Variants in FAM227A observed in about 807,000 individuals in gnomAD.
The protein encoded by FAM227A is family with sequence similarity 227 member A, also known as protein FAM227A.
FAM227A carries 80 observed loss-of-function variants against 74.7 expected under a neutral mutation model. That is an observed-to-expected ratio of 1.07 (90% CI 0.89 to 1.29). The LOEUF is 1.29. Ranked by LOEUF, FAM227A falls within the 50% of genes most tolerant of loss-of-function variation. FAM227A has a pLI of 0.00. For missense variants in FAM227A, 654 were observed against 683.4 expected (o/e 0.96, Z 0.48); for synonymous variants, 237 against 241.8 (o/e 0.98, Z 0.19).
intron 13 of FAM227A, among the ~76,000 whole-genome samples, chr22:38,604,782 T>A (rs2091249841): frequency 6.6e-6 from 1 of 152,120 alleles, no homozygotes; most frequent in East Asian, 1.9e-4. Flanking sequence ...GCCTCCCAAG[T>A]GGCTGGGATT....
intron 11 of FAM227A, among the ~76,000 whole-genome samples, chr22:38,619,207 G>A (rs2091636551): frequency 6.6e-6 from 1 of 152,222 alleles, no homozygotes; most frequent in Admixed American, 6.5e-5. Context: ...GGAGGTTGGA[G>A]AAGGGGTTGA....
At chr22:38,653,377 C>CTTT (rs34626242) in intron 1 of FAM227A, among the ~76,000 whole-genome samples, 8 of 137,708 alleles carry the variant, frequency 5.8e-5, no homozygotes, top group East Asian at 2.1e-4. Context: ...GAATGTAATG[C>CTTT]TTTTTTTTTT....
chr22:38,620,236 C>T lies in FAM227A; in HGVS notation c.1014G>A (p.Gln338=). ...GKRAFSQKPA[Q]SRKFYHPQSS... The stretch of plus-strand genomic sequence containing the variant: ...CCTGAGGGTGGTAGAATTTCCTGCT[C>T]TGGGCTGGCTTCTGGGAGAAGGCTC... The change falls in exon 11 of 17, where the codon CAG becomes CAA. Residue 338 remains glutamine, a synonymous_variant. Coordinates refer to ENST00000535113, the MANE Select transcript of FAM227A (RefSeq NM_001013647.2). 1.3e-6 allele frequency: 2 copies of T among 1,551,416 alleles called. No homozygotes were observed. Among genetic ancestry groups the T allele is most frequent in the East Asian group, 2.4e-5 (1 of 40,920 alleles).
chr22:38,649,565 CAAA>C (rs1163806396), intron 2 of FAM227A, among the ~76,000 whole-genome samples: 2 of 129,682 alleles, frequency 1.5e-5, no homozygotes, highest in African/African-American at 2.8e-5. Flanking sequence ...GACTCTGTCT[CAAA>C]AAAAAAAAAG....
rs2091643772 is a variant in FAM227A, at chr22:38,619,543, T to TGGACTCCTGGTCTC, written c.1038+655_1038+668dup. ...TTCACCATGTGGACCAGACTGGTCT[T>TGGACTCCTGGTCTC]GGACTCCTGGTCTCAAGTGATCTGC... On this transcript the variant is annotated intron_variant, in intron 11 of 16. Coordinates refer to ENST00000535113, the MANE Select transcript of FAM227A (RefSeq NM_001013647.2). Among the ~76,000 whole-genome samples, 7 of 152,292 alleles carry TGGACTCCTGGTCTC rather than the reference T, an allele frequency of 4.6e-5. No homozygotes were observed. The South Asian group carries it at 1.5e-3, about 32-fold the overall frequency.
intron 11 of FAM227A, among the ~76,000 whole-genome samples, chr22:38,610,152 C>T (rs1435938291): frequency 2.0e-5 from 3 of 151,936 alleles, no homozygotes; most frequent in South Asian, 2.1e-4. Flanking sequence ...CAGCTGGGTC[C>T]ACAGGCATGT....
chr22:38,582,570 A>T lies in FAM227A; in HGVS notation c.*3555T>A. 1.2e-6 allele frequency: 1 copy of T among 838,898 alleles called. No individual in the cohort carries two copies. Among genetic ancestry groups the T allele is most frequent in the Non-Finnish European group, 1.8e-6 (1 of 550,594 alleles). 52.0% of individuals were successfully genotyped at this position (838,898 alleles called of 1,614,324 possible). ...CCCTTCTAATGTTTACAAAGGGCAG[A>T]GACAGGTTTCTTCATATTTAACATC... On this transcript the variant is annotated 3_prime_UTR_variant, in exon 17 of 17. Transcript: ENST00000535113.
At chr22:38,651,884 CCT>C (rs2092328639) in intron 1 of FAM227A, among the ~76,000 whole-genome samples, 1 of 152,024 alleles carries the variant, frequency 6.6e-6, no homozygotes, top group South Asian at 2.1e-4. Flanking sequence ...ATTCAAATGC[CCT>C]GTTTAAAGTT....
rs1390650692 is a variant in FAM227A, at chr22:38,578,463, C to CG, written c.*7661_*7662insC. On this transcript the variant is annotated 3_prime_UTR_variant, in exon 17 of 17. Coordinates refer to ENST00000535113, the MANE Select transcript of FAM227A (RefSeq NM_001013647.2). The stretch of plus-strand genomic sequence containing the variant: ...CCAAATTTGAAAAACTTTTTAACTT[C>CG]AGCACATAGGTGTCCAAGAGAGGCT... 2.0e-5 allele frequency: 3 copies of CG among 152,138 alleles called. No homozygotes were observed. Among genetic ancestry groups the CG allele is most frequent in the Non-Finnish European group, 2.9e-5 (2 of 68,036 alleles). 9.4% of individuals were successfully genotyped at this position (152,138 alleles called of 1,614,324 possible).
chr22:38,638,741 C>T lies in FAM227A; in HGVS notation c.372+5G>A. ...CAGAAACAGACACAGCAGTAGATCC[C>T]TTACCCTTTTTATAACAGAAGATCT... On this transcript the variant is annotated splice_donor_5th_base_variant and intron_variant, in intron 5 of 16. Coordinates refer to ENST00000535113, the MANE Select transcript of FAM227A (RefSeq NM_001013647.2). The T allele has an allele frequency of 6.5e-7, 1 of 1,545,814 alleles. No homozygotes were observed. Among genetic ancestry groups the T allele is most frequent in the African/African-American group, 1.4e-5 (1 of 72,968 alleles).
chr22:38,625,372 G>C (rs1389963747), intron 9 of FAM227A, among the ~76,000 whole-genome samples: 2 of 148,062 alleles, frequency 1.4e-5, no homozygotes, highest in Non-Finnish European at 3.0e-5. Flanking sequence ...CTGGACGACA[G>C]AGCGAGATCC....
Position 38,582,639 on chromosome 22 carries a change from G to GTCCA in FAM227A, c.*3482_*3485dup. ...GAGTCCTCAGTCATTTCTGGAAAGG[G>GTCCA]TCCATGCAGGGATGATCTTGGACTG... On this transcript the variant is annotated 3_prime_UTR_variant, in exon 17 of 17. Transcript: ENST00000535113. 1 of 733,220 alleles carries GTCCA rather than the reference G, an allele frequency of 1.4e-6. No homozygotes were observed. Among genetic ancestry groups the GTCCA allele is most frequent in the Non-Finnish European group, 2.2e-6 (1 of 456,742 alleles). 45.4% of individuals were successfully genotyped at this position (733,220 alleles called of 1,614,324 possible).
rs35990617 is a variant in FAM227A at position 38,617,292 on chromosome 22, C to CT, written c.1038+2919dup. Among the ~76,000 whole-genome samples, 585 of 116,138 alleles carry CT rather than the reference C, an allele frequency of 5.0e-3. 4 individuals are homozygous for CT. The highest frequency in any genetic ancestry group is 7.5e-3 in the South Asian group (27 of 3,610). 76.2% of individuals were successfully genotyped at this position (116,138 alleles called of 152,430 possible). On this transcript the variant is annotated intron_variant, in intron 11 of 16. Transcript: ENST00000535113. ...TGGAATCTGAACCTGTGAGAACAGA[C>CT]TTTTTTTTTTTTTTTTTTTTTGAGA...
intron 6 of FAM227A, among the ~76,000 whole-genome samples, chr22:38,636,126 G>C (rs56304050): frequency 7.2e-6 from 1 of 138,798 alleles, no homozygotes; most frequent in Admixed American, 7.0e-5. Flanking sequence ...AAAGAAAAAA[G>C]AGAGATTAAG....
intron 15 of FAM227A, among the ~76,000 whole-genome samples, chr22:38,594,203 T>G (rs2090997576): frequency 6.6e-6 from 1 of 152,114 alleles, no homozygotes; most frequent in Non-Finnish European, 1.5e-5. Context: ...CGTTTTGGAG[T>G]CTGGCCACTA....
chr22:38,598,165 T>A (rs2091091151), intron 14 of FAM227A, among the ~76,000 whole-genome samples: 1 of 151,872 alleles, frequency 6.6e-6, no homozygotes, highest in Non-Finnish European at 1.5e-5. Flanking sequence ...ATAGCAGTCA[T>A]CCTCTGTGCC....
Position 38,638,753 on chromosome 22 carries a change from A to C in FAM227A, c.365T>G (p.Ile122Arg). Residue 122 changes from isoleucine (I) to arginine (R), a missense_variant, in exon 5 of 17, where the codon ATA becomes AGA. Transcript: ENST00000535113. Reference sequence around the variant, plus strand: ...CAGCAGTAGATCCCTTACCCTTTTTATAACAGAAGATCTGGCATGTCTGAG... The same window carrying C: ...CAGCAGTAGATCCCTTACCCTTTTTCTAACAGAAGATCTGGCATGTCTGAG... ...SELRHARSSV[I>R]KRKTADKNLL... 6.5e-7 allele frequency: 1 copy of C among 1,549,528 alleles called. No homozygotes were observed. The highest frequency in any genetic ancestry group is 8.7e-7 in the Non-Finnish European group (1 of 1,145,470).
At chr22:38,650,978 G>T (rs1417908589) in intron 1 of FAM227A, among the ~76,000 whole-genome samples, 1 of 152,114 alleles carries the variant, frequency 6.6e-6, no homozygotes, top group African/African-American at 2.4e-5. Flanking sequence ...CGTTGAGTTT[G>T]GTGGGAACAT....
At chr22:38,613,357 A>ATAATATATAACATATAT in intron 11 of FAM227A, among the ~76,000 whole-genome samples, 2 of 92,786 alleles carry the variant, frequency 2.2e-5, no homozygotes, top group Non-Finnish European at 3.8e-5. Context: ...ATTATATAAT[A>ATAATATATAACATATAT]TATATCATAT....
Sources: gnomAD v4.1 joint callset for allele counts (sites outside exome capture counted in the v4.1 genomes callset) on GRCh38, gnomAD v4.1.1 for gene constraint, MANE v1.5 for transcripts, NCBI Gene and HGNC (gene_info 2026-07-23, HGNC 2026-07-21) for gene names.